COL5A1: variants seen among roughly 807,000 people sequenced by gnomAD.
COL5A1 encodes collagen alpha-1(V) chain.
Under a neutral mutation model 263.7 loss-of-function variants are expected in COL5A1, and 16 were observed. The observed-to-expected ratio is 0.06, with a 90% CI of 0.04 to 0.09. COL5A1 has a LOEUF of 0.09. Ranked by LOEUF, COL5A1 falls within the 10% of genes least tolerant of loss-of-function variation. COL5A1 has a pLI of 1.00. For missense variants in COL5A1, 2,036 were observed against 2,540.5 expected, an observed-to-expected ratio of 0.80 and a Z score of 4.27; for synonymous variants, 1,012 against 1,004.5, an observed-to-expected ratio of 1.01 and a Z score of -0.14.
intron 4 of COL5A1, chr9:134,709,341 G>A (rs1175201349): frequency 1.7e-5 from 5 of 296,858 alleles, no homozygotes; most frequent in South Asian, 9.1e-5. Context: ...GCTAGCAGGC[G>A]GTTGGCCAAG....
chr9:134,827,712 G>A (rs1002217869), intron 63 of COL5A1, among the ~76,000 whole-genome samples: 1 of 152,226 alleles, frequency 6.6e-6, no homozygotes, highest in African/African-American at 2.4e-5. Context: ...TGCAGCCTCG[G>A]GCCTGGGCTA....
intron 44 of COL5A1, among the ~76,000 whole-genome samples, chr9:134,810,818 G>A (rs1838494030): frequency 6.6e-6 from 1 of 152,116 alleles, no homozygotes; most frequent in African/African-American, 2.4e-5. Context: ...TTGATTCCTA[G>A]GCAAGCAGGA....
chr9:134,745,574 G>A (rs1749048693), intron 11 of COL5A1, among the ~76,000 whole-genome samples: 1 of 152,194 alleles, frequency 6.6e-6, no homozygotes, highest in South Asian at 2.1e-4. Flanking sequence ...TGAGGCATCA[G>A]GCTTCTTGAT....
chr9:134,701,981 G>A (rs1042679752), intron 4 of COL5A1, among the ~76,000 whole-genome samples: 1 of 152,242 alleles, frequency 6.6e-6, no homozygotes, highest in African/African-American at 2.4e-5. Flanking sequence ...CCAAGAAACA[G>A]GTTGAGAGCT....
intron 2 of COL5A1, among the ~76,000 whole-genome samples, chr9:134,694,900 C>T (rs777630123): frequency 2.2e-4 from 33 of 152,290 alleles, no homozygotes; most frequent in Non-Finnish European, 3.1e-4. Flanking sequence ...CCAGGCGGCC[C>T]GAGCTCTGGG....
At chr9:134,810,125 C>T (rs923218926) in intron 43 of COL5A1, 130 bp from the exon 44 acceptor site, 15 of 940,786 alleles carry the variant, frequency 1.6e-5, no homozygotes, top group African/African-American at 4.8e-5. Context: ...AACATTTATT[C>T]GTAGGAAAGT....
intron 18 of COL5A1, among the ~76,000 whole-genome samples, chr9:134,759,319 T>C (rs1261205262): frequency 2.5e-5 from 3 of 121,184 alleles, no homozygotes; most frequent in African/African-American, 3.5e-5. Context: ...CCCACACTCA[T>C]ACACACATGC....
intron 53 of COL5A1, 84 bp from the exon 54 acceptor site, chr9:134,817,694 C>T (rs1838813997): frequency 7.9e-7 from 1 of 1,268,544 alleles, no homozygotes; most frequent in Non-Finnish European, 1.1e-6. Flanking sequence ...CACACACACA[C>T]ACACCCTGAG....
At chr9:134,645,123 G>A (rs1052442408) in intron 1 of COL5A1, among the ~76,000 whole-genome samples, 9 of 152,302 alleles carry the variant, frequency 5.9e-5, no homozygotes, top group Admixed American at 6.5e-5. Context: ...CCAGCAGTGC[G>A]GCAGCCCCAG....
chr9:134,775,198 G>A (rs940085301), intron 27 of COL5A1, among the ~76,000 whole-genome samples: 24 of 152,220 alleles, frequency 1.6e-4, no homozygotes, highest in African/African-American at 2.9e-4. Context: ...CTGTCAGGAC[G>A]GGACACGTCC....
Position 134,766,996 on chromosome 9 carries a change from G to T in COL5A1, c.2134-4G>T, listed in dbSNP as rs767497080. ...TTCAGTGCCTTTGCTCTTGTCTCCTGTAGGGTCCCCAGGGAGAGCCTGGCC... is the reference window on the plus strand; with the variant it reads ...TTCAGTGCCTTTGCTCTTGTCTCCTTTAGGGTCCCCAGGGAGAGCCTGGCC... On this transcript the variant is annotated splice_region_variant and splice_polypyrimidine_tract_variant and intron_variant, in intron 22 of 65. Coordinates refer to ENST00000371817, the MANE Select transcript of COL5A1 (RefSeq NM_000093.5). 4 of 1,613,582 alleles carry T rather than the reference G, an allele frequency of 2.5e-6. No individual in the cohort carries two copies. In the South Asian group the frequency reaches 4.4e-5, roughly 18 times the overall value.
At position 134,758,344 on chromosome 9, in the gene COL5A1, G is replaced by A; in HGVS notation, c.1935+48G>A. On this transcript the variant is annotated intron_variant, in intron 18 of 65. Transcript: ENST00000371817. This position sits in a 1 kb window ranked among gnomAD's most constrained non-coding sequence, Gnocchi z 4.1. The stretch of plus-strand genomic sequence containing the variant: ...ACAGGCATGACGATGGGCAGCAGAG[G>A]TGTCTCTCGGGAGGCCCTTCTCCTT... 1.3e-6 allele frequency: 2 copies of A among 1,590,666 alleles called. No individual in the cohort carries two copies. Among genetic ancestry groups the A allele is most frequent in the Non-Finnish European group, 1.7e-6 (2 of 1,158,932 alleles).
chr9:134,808,559 AT>A (rs1241822062), intron 42 of COL5A1, among the ~76,000 whole-genome samples: 1 of 149,208 alleles, frequency 6.7e-6, no homozygotes, highest in Non-Finnish European at 1.5e-5. Context: ...GTTGGTGCAT[AT>A]TCACACGTGT....
At position 134,681,214 on chromosome 9, in the gene COL5A1, C is replaced by G. The variant is rs890951133; in HGVS notation, c.110-9698C>G. On this transcript the variant is annotated intron_variant, in intron 1 of 65. Transcript: ENST00000371817. The surrounding 1 kb of genome is among the most constrained non-coding windows in gnomAD (Gnocchi z 4.3). ...CTGGGCCAGACCCTCCCTGGTGGCTCGATGGCTCGGCCCTCAGCCCGGCCC... is the reference window on the plus strand; with the variant it reads ...CTGGGCCAGACCCTCCCTGGTGGCTGGATGGCTCGGCCCTCAGCCCGGCCC... Among the ~76,000 whole-genome samples, 1 of 152,170 alleles carries G rather than the reference C, an allele frequency of 6.6e-6. No homozygotes were observed. Among genetic ancestry groups the G allele is most frequent in the Non-Finnish European group, 1.5e-5 (1 of 68,018 alleles).
At chr9:134,743,849 C>T (rs895207761) in intron 11 of COL5A1, among the ~76,000 whole-genome samples, 3 of 152,176 alleles carry the variant, frequency 2.0e-5, no homozygotes, top group Non-Finnish European at 4.4e-5. Flanking sequence ...TGAAAAGTTT[C>T]GTATGTAAGC....
At chr9:134,761,467 G>A (rs1209821920) in intron 18 of COL5A1, among the ~76,000 whole-genome samples, 1 of 152,248 alleles carries the variant, frequency 6.6e-6, no homozygotes, top group African/African-American at 2.4e-5. Context: ...CAGCCATGAA[G>A]GCTGTCCCTG....
chr9:134,740,374 A>C (rs1275324179), intron 11 of COL5A1, among the ~76,000 whole-genome samples: 1 of 152,176 alleles, frequency 6.6e-6, no homozygotes, highest in Non-Finnish European at 1.5e-5. Flanking sequence ...GAGATGGGGC[A>C]ACGGCCAAGC....
chr9:134,685,613 TCCATCCA>T (rs1274949689), intron 1 of COL5A1, among the ~76,000 whole-genome samples: 18 of 31,748 alleles, frequency 5.7e-4, no homozygotes, highest in African/African-American at 9.3e-4. Flanking sequence ...CCATCATCCA[TCCATCCA>T]CCATCCATCC....
chr9:134,813,198 GTGTGTGTGTGCC>G (rs929632336), intron 48 of COL5A1, among the ~76,000 whole-genome samples: 1 of 152,096 alleles, frequency 6.6e-6, no homozygotes, highest in African/African-American at 2.4e-5. Flanking sequence ...CCAGTCGTGT[GTGTGTGTGTGCC>G]TGTGTGTGTG....
Sources: allele counts gnomAD v4.1 joint callset (sites outside exome capture counted in the v4.1 genomes callset), GRCh38; gene constraint gnomAD v4.1.1; non-coding constraint Gnocchi (gnomAD v3.1); transcripts MANE v1.5; gene names NCBI Gene and HGNC (gene_info 2026-07-23, HGNC 2026-07-21).